Variants in TENM2 observed in about 807,000 individuals in gnomAD.
The protein encoded by TENM2 is teneurin-2.
A neutral mutation model predicts 245.2 loss-of-function variants in TENM2; 52 were observed. That is an observed-to-expected ratio of 0.21 (90% CI 0.17 to 0.27). TENM2 has a LOEUF of 0.27. Ranked by LOEUF, TENM2 falls within the 10% of genes least tolerant of loss-of-function variation. TENM2 has a pLI of 1.00. For missense variants in TENM2, 3,046 were observed against 3,666.8 expected (o/e 0.83, Z 4.37); for synonymous variants, 1,363 against 1,438.9 (o/e 0.95, Z 1.19).
chr5:168,093,024 A>G (rs1056494409), intron 8 of TENM2, among the ~76,000 whole-genome samples: 2 of 152,234 alleles, frequency 1.3e-5, no homozygotes, highest in African/African-American at 4.8e-5. Context: ...AATGCAGTTA[A>G]AAAACTTGCC....
chr5:168,042,194 C>T (rs932018762), intron 5 of TENM2, among the ~76,000 whole-genome samples: 2 of 152,168 alleles, frequency 1.3e-5, no homozygotes, highest in Non-Finnish European at 2.9e-5. Flanking sequence ...CAAGACCCAG[C>T]AGGCATGGCT....
the TENM2 span, among the ~76,000 whole-genome samples, chr5:167,144,714 G>A: frequency 6.6e-6 from 1 of 152,144 alleles, no homozygotes; most frequent in Non-Finnish European, 1.5e-5. Flanking sequence ...ATTAAATAAA[G>A]ATGGCAGAGT....
chr5:168,147,826 C>T (rs977410760), intron 12 of TENM2, among the ~76,000 whole-genome samples: 2 of 152,088 alleles, frequency 1.3e-5, no homozygotes, highest in African/African-American at 2.4e-5. Context: ...ACATAAAACC[C>T]GAGCATCCCT....
chr5:168,201,360 A>C (rs116431783), intron 17 of TENM2, among the ~76,000 whole-genome samples: 5,057 of 152,050 alleles, frequency 0.033, 125 homozygotes, highest in Middle Eastern at 0.065. Context: ...ATACATATAC[A>C]TATATCTGTA....
chr5:167,328,878 T>G (rs1370495257), intron 1 of TENM2, among the ~76,000 whole-genome samples: 1 of 152,214 alleles, frequency 6.6e-6, no homozygotes, highest in African/African-American at 2.4e-5. Context: ...AGTATATATT[T>G]TGTTTAGTTT....
chr5:168,247,240 G>A lies in TENM2; in HGVS notation c.6301G>A (p.Ala2101Thr), dbSNP rs775991295. The change falls in exon 27 of 29, where the codon GCA becomes ACA. Residue 2101 changes from alanine (A) to threonine (T), a missense_variant. Around this residue, in one of 2 missense-constraint regions of TENM2, gnomAD observed 2,704 missense variants for 3,331.9 expected, o/e 0.81. Coordinates refer to ENST00000518659, the Ensembl canonical transcript of TENM2. This position sits in a 1 kb window ranked among gnomAD's most constrained non-coding sequence, Gnocchi z 7.8. Reference sequence around the variant, plus strand: ...CTATCATGACAACAGCTTCCGCATCGCAAGCATCAAGCCCGTCATAAGTGA... The same window carrying A: ...CTATCATGACAACAGCTTCCGCATCACAAGCATCAAGCCCGTCATAAGTGA... The A allele has an allele frequency of 1.9e-5, 30 of 1,613,800 alleles. No individual in the cohort carries two copies. Among genetic ancestry groups the A allele is most frequent in the Non-Finnish European group, 2.4e-5 (28 of 1,179,900 alleles).
At chr5:167,401,848 T>C (rs1000121481) in intron 2 of TENM2, among the ~76,000 whole-genome samples, 1 of 152,140 alleles carries the variant, frequency 6.6e-6, no homozygotes, top group Non-Finnish European at 1.5e-5. Flanking sequence ...TGTAACTTTC[T>C]CTTGTCTTTG....
chr5:167,377,893 C>G (rs187501263), intron 2 of TENM2, among the ~76,000 whole-genome samples: 1 of 152,280 alleles, frequency 6.6e-6, no homozygotes, highest in East Asian at 1.9e-4. Flanking sequence ...ATAATAAACA[C>G]TGTGTCCTTC....
intron 2 of TENM2, among the ~76,000 whole-genome samples, chr5:167,398,294 T>C (rs1762168983): frequency 6.6e-6 from 1 of 152,174 alleles, no homozygotes; most frequent in Non-Finnish European, 1.5e-5. Flanking sequence ...ACTAGTTTCT[T>C]CTGCAAAATG....
At chr5:167,047,891 C>G in the TENM2 span, among the ~76,000 whole-genome samples, 1 of 152,078 alleles carries the variant, frequency 6.6e-6, no homozygotes, top group Non-Finnish European at 1.5e-5. Flanking sequence ...TTTACACACA[C>G]TAATGTTGGG....
chr5:167,331,464 G>A (rs1037159019), intron 1 of TENM2, among the ~76,000 whole-genome samples: 10 of 152,072 alleles, frequency 6.6e-5, no homozygotes, highest in South Asian at 2.1e-4. Context: ...TGCCCTCAAC[G>A]CATGAATGTA....
intron 3 of TENM2, among the ~76,000 whole-genome samples, chr5:167,877,432 G>A (rs1456389416): frequency 1.3e-5 from 2 of 152,174 alleles, no homozygotes; most frequent in African/African-American, 4.8e-5. Flanking sequence ...CTCATCAGAT[G>A]AGCAATCCAT....
intron 2 of TENM2, among the ~76,000 whole-genome samples, chr5:167,429,493 A>G (rs1415428093): frequency 1.3e-5 from 2 of 152,196 alleles, no homozygotes; most frequent in Non-Finnish European, 2.9e-5. Context: ...CTGAAAATGA[A>G]CAAGACAAAA....
intron 4 of TENM2, among the ~76,000 whole-genome samples, chr5:167,970,482 C>A (rs994890): frequency 0.71 from 107,463 of 152,024 alleles, 38,757 homozygotes; most frequent in East Asian, 0.99. Context: ...TGCATTTCCT[C>A]TCTCTTGGAA....
At chr5:168,075,389 A>T (rs56780921) in intron 7 of TENM2, among the ~76,000 whole-genome samples, 45,412 of 152,024 alleles carry the variant, frequency 0.3, 7,442 homozygotes, top group Non-Finnish European at 0.36. Context: ...TTGTGCTGCT[A>T]AAACATGCAC....
chr5:167,612,947 C>T (rs974775130), intron 2 of TENM2, among the ~76,000 whole-genome samples: 3 of 152,050 alleles, frequency 2.0e-5, no homozygotes, highest in African/African-American at 7.2e-5. Context: ...CAAAACTGCA[C>T]AATTTGGATT....
At chr5:168,142,933 C>T (rs1222034674) in intron 12 of TENM2, among the ~76,000 whole-genome samples, 3 of 152,194 alleles carry the variant, frequency 2.0e-5, no homozygotes, top group African/African-American at 7.2e-5. Flanking sequence ...CTTTCACTGC[C>T]CAAGTCATTT....
At chr5:167,619,965 G>A (rs570930725) in intron 2 of TENM2, among the ~76,000 whole-genome samples, 2 of 152,284 alleles carry the variant, frequency 1.3e-5, no homozygotes, top group South Asian at 2.1e-4. Flanking sequence ...CTGATCTGGA[G>A]GTTATGCTGT....
At chr5:167,902,806 T>C (rs1775811535) in intron 3 of TENM2, among the ~76,000 whole-genome samples, 2 of 152,188 alleles carry the variant, frequency 1.3e-5, no homozygotes, top group African/African-American at 2.4e-5. Context: ...TCCCCCACTT[T>C]ATATAAAAGG....
Sources: gnomAD v4.1 joint callset for allele counts (sites outside exome capture counted in the v4.1 genomes callset) on GRCh38, gnomAD v4.1.1 for gene constraint, gnomAD v4.1.1 regional missense constraint, Gnocchi (gnomAD v3.1) non-coding constraint, MANE v1.5 for transcripts, NCBI Gene and HGNC (gene_info 2026-07-23, HGNC 2026-07-21) for gene names.